COLEC10: variants seen among roughly 807,000 people sequenced by gnomAD.
COLEC10 encodes collectin-10.
A neutral mutation model predicts 28.4 loss-of-function variants in COLEC10; 22 were observed. That is an observed-to-expected ratio of 0.78 (90% CI 0.55 to 1.11). COLEC10 has a LOEUF of 1.11. Among genes scored for constraint, COLEC10 ranks in the 50% least tolerant of loss-of-function variants. The pLI is 0.00. For missense variants in COLEC10, 361 were observed against 344.1 expected (o/e 1.05, Z -0.39); for synonymous variants, 125 against 116.1 (o/e 1.08, Z -0.49).
chr8:119,068,337 T>C (rs1333376264), intron 1 of COLEC10: 2 of 152,204 alleles, frequency 1.3e-5, no homozygotes, highest in Non-Finnish European at 2.9e-5. Flanking sequence ...ACTGAATTAA[T>C]TTTCCTCTAA....
At chr8:119,008,646 G>A (rs1013568139) in intron 1 of COLEC10, among the ~76,000 whole-genome samples, 3 of 150,354 alleles carry the variant, frequency 2.0e-5, no homozygotes, top group Non-Finnish European at 2.9e-5. Flanking sequence ...GTCCCTCATG[G>A]AATACATTAA....
chr8:119,080,337 T>A (rs1445157143), intron 1 of COLEC10, among the ~76,000 whole-genome samples: 1 of 152,148 alleles, frequency 6.6e-6, no homozygotes, highest in Non-Finnish European at 1.5e-5. Context: ...AAATTGTGAG[T>A]TTTTGGACAA....
At chr8:119,008,455 T>C (rs930303028) in intron 1 of COLEC10, among the ~76,000 whole-genome samples, 3 of 146,208 alleles carry the variant, frequency 2.1e-5, no homozygotes, top group African/African-American at 8.1e-5. Context: ...AGAATCATCA[T>C]CATGAGGGTT....
chr8:119,048,236 C>T (rs942134255), intron 2 of COLEC10, among the ~76,000 whole-genome samples: 4 of 152,200 alleles, frequency 2.6e-5, no homozygotes, highest in Non-Finnish European at 4.4e-5. Context: ...TAAATGACAA[C>T]ATGTGGATTT....
At chr8:119,024,541 C>T (rs762590637) in intron 2 of COLEC10, among the ~76,000 whole-genome samples, 1 of 149,464 alleles carries the variant, frequency 6.7e-6, no homozygotes, top group Non-Finnish European at 1.5e-5. Context: ...CAAACACACA[C>T]ATACATATGC....
chr8:119,033,019 T>G (rs1291948007), intron 2 of COLEC10, among the ~76,000 whole-genome samples: 1 of 152,014 alleles, frequency 6.6e-6, no homozygotes, highest in Non-Finnish European at 1.5e-5. Flanking sequence ...TTCCATCTCT[T>G]TTTTACGCTG....
At chr8:119,091,573 A>AAGAAAGAGAG (rs1554629251) in intron 3 of COLEC10, among the ~76,000 whole-genome samples, 37 of 140,648 alleles carry the variant, frequency 2.6e-4, no homozygotes, top group East Asian at 1.7e-3. Flanking sequence ...GAAAGAAAGA[A>AAGAAAGAGAG]AGAGAGAGAG....
chr8:119,039,756 T>C (rs117576079), intron 2 of COLEC10, among the ~76,000 whole-genome samples: 2,567 of 152,284 alleles, frequency 0.017, 34 homozygotes, highest in Non-Finnish European at 0.024. Context: ...TGTCCGTTTC[T>C]TCATCTTCAA....
At chr8:118,968,184 C>T in the COLEC10 span, among the ~76,000 whole-genome samples, 7 of 151,258 alleles carry the variant, frequency 4.6e-5, no homozygotes, top group East Asian at 1.4e-3. Flanking sequence ...TCTTGGGGGT[C>T]TCTGATGGTT....
rs574140520 is a variant in COLEC10 at position 119,079,616 on chromosome 8, C to T, written c.149-10064C>T. ...AGTGTTAGTTCCCACCCTCCCACCCCCACCCACTTACTCAGACATGCAATG... is the reference window on the plus strand; with the variant it reads ...AGTGTTAGTTCCCACCCTCCCACCCTCACCCACTTACTCAGACATGCAATG... On this transcript the variant is annotated intron_variant, in intron 1 of 5. Coordinates refer to ENST00000332843, the MANE Select transcript of COLEC10 (RefSeq NM_006438.5). Among the ~76,000 whole-genome samples the T allele has an allele frequency of 2.0e-5, 3 of 149,556 alleles. No homozygotes were observed. The South Asian group carries it at 6.6e-4, about 33-fold the overall frequency.
the COLEC10 span, among the ~76,000 whole-genome samples, chr8:118,990,442 T>G: frequency 6.6e-6 from 1 of 152,144 alleles, no homozygotes; most frequent in Non-Finnish European, 1.5e-5. Context: ...CTAAATAGAT[T>G]CTGTCTTAAT....
chr8:119,056,840 G>A (rs1814770288), intron 2 of COLEC10, among the ~76,000 whole-genome samples: 1 of 151,924 alleles, frequency 6.6e-6, no homozygotes, highest in Non-Finnish European at 1.5e-5. Context: ...CATGTATAAT[G>A]CCCTTCAGGA....
At position 119,107,937 on chromosome 8, in the gene COLEC10, A is replaced by G. The variant is rs965050965; in HGVS notation, c.*1746A>G. ...ATTAAAATTAAAGATTTGAGGTCAAAAGTCTTCTAGCTAAAGTTGTGATCA... is the reference window on the plus strand; with the variant it reads ...ATTAAAATTAAAGATTTGAGGTCAAGAGTCTTCTAGCTAAAGTTGTGATCA... On this transcript the variant is annotated 3_prime_UTR_variant, in exon 6 of 6. Transcript: ENST00000332843. Among the ~76,000 whole-genome samples the G allele has an allele frequency of 6.6e-6, 1 of 152,172 alleles. No individual in the cohort carries two copies. Among genetic ancestry groups the G allele is most frequent in the South Asian group, 2.1e-4 (1 of 4,826 alleles).
upstream of COLEC10, among the ~76,000 whole-genome samples, chr8:118,995,284 C>T (rs540802723): frequency 3.9e-5 from 6 of 152,226 alleles, no homozygotes; most frequent in South Asian, 1.0e-3. Flanking sequence ...GTGGTCTTTA[C>T]CAAAAATAGC....
rs189309391 is a variant in COLEC10 at position 119,041,434 on chromosome 8, T to C, written n.235+31881T>C. Among the ~76,000 whole-genome samples, 314 of 152,338 alleles carry C rather than the reference T, an allele frequency of 2.1e-3. 1 individual carries two copies. The highest frequency in any genetic ancestry group is 7.0e-3 in the African/African-American group (290 of 41,578). On this transcript the variant is annotated intron_variant and non_coding_transcript_variant, in intron 2 of 6. Transcript: ENST00000521788. ...TTAAAATATTTCTATGAAGTAGATATAGACAAAAAGTACTACTGAACAGAA... is the reference window on the plus strand; with the variant it reads ...TTAAAATATTTCTATGAAGTAGATACAGACAAAAAGTACTACTGAACAGAA...
chr8:118,971,332 G>C, the COLEC10 span, among the ~76,000 whole-genome samples: 836 of 152,052 alleles, frequency 5.5e-3, 14 homozygotes, highest in African/African-American at 0.02. Flanking sequence ...GTCATAGGTT[G>C]CTTTAAGGCA....
chr8:118,956,442 G>T, the COLEC10 span, among the ~76,000 whole-genome samples: 16 of 152,160 alleles, frequency 1.1e-4, no homozygotes, highest in Non-Finnish European at 2.1e-4. Flanking sequence ...CCTCTGGGTA[G>T]GGAAGTTGGG....
At chr8:118,963,934 C>T in the COLEC10 span, among the ~76,000 whole-genome samples, 4 of 152,188 alleles carry the variant, frequency 2.6e-5, no homozygotes, top group South Asian at 6.2e-4. Flanking sequence ...CCTTGCCCTC[C>T]TTGGGGGGAT....
At chr8:119,085,956 A>G (rs1481092385) in intron 1 of COLEC10, among the ~76,000 whole-genome samples, 1 of 152,176 alleles carries the variant, frequency 6.6e-6, no homozygotes, top group Non-Finnish European at 1.5e-5. Flanking sequence ...GAGAAAGGTT[A>G]CTAACAACAA....
Sources: allele counts gnomAD v4.1 joint callset (sites outside exome capture counted in the v4.1 genomes callset), GRCh38; gene constraint gnomAD v4.1.1; transcripts MANE v1.5; gene names NCBI Gene and HGNC (gene_info 2026-07-23, HGNC 2026-07-21).